The following FBXL14 variants were observed in gnomAD, a reference collection of about 807,000 sequenced individuals.
FBXL14 encodes F-box and leucine rich repeat protein 14.
A neutral mutation model predicts 24.5 loss-of-function variants in FBXL14; 11 were observed. The observed-to-expected ratio is 0.45, with a 90% CI of 0.28 to 0.74. The LOEUF (loss-of-function observed/expected upper bound fraction) is 0.74. Among genes scored for constraint, FBXL14 ranks in the 30% least tolerant of loss-of-function variants. FBXL14 has a pLI of 0.12. For missense variants in FBXL14, 384 were observed against 545.6 expected, an observed-to-expected ratio of 0.70 and a Z score of 2.95; for synonymous variants, 294 against 240.4, an observed-to-expected ratio of 1.22 and a Z score of -2.06.
chr12:1,578,483 A>G (rs1386005772), intron 1 of FBXL14, among the ~76,000 whole-genome samples: 1 of 151,946 alleles, frequency 6.6e-6, no homozygotes, highest in African/African-American at 2.4e-5. Flanking sequence ...TCTACTAAAA[A>G]TACAAAAATT....
chr12:1,567,341 A>G lies in FBXL14; in HGVS notation c.1195-531T>C, dbSNP rs1163426644. On this transcript the variant is annotated intron_variant, in intron 1 of 1. Transcript: ENST00000339235. This position sits in a 1 kb window ranked among gnomAD's most constrained non-coding sequence, Gnocchi z 4.8. ...AAAAAAGGAAAAGAAAGAAAAGAAA[A>G]ATTAGCTGGGCGTGGTGGCAAGCAC... Among the ~76,000 whole-genome samples the G allele has an allele frequency of 6.6e-6, 1 of 151,820 alleles. No homozygotes were observed. Among genetic ancestry groups the G allele is most frequent in the Non-Finnish European group, 1.5e-5 (1 of 67,970 alleles).
At chr12:1,573,865 C>T (rs527685382) in intron 1 of FBXL14, among the ~76,000 whole-genome samples, 168 of 152,206 alleles carry the variant, frequency 1.1e-3, no homozygotes, top group African/African-American at 3.4e-3. Context: ...ATTAGCTGGG[C>T]GTGGTGGCGC....
intron 1 of FBXL14, among the ~76,000 whole-genome samples, chr12:1,588,485 T>C (rs533547714): frequency 6.6e-6 from 1 of 152,360 alleles, no homozygotes; most frequent in South Asian, 2.1e-4. Context: ...TTTTAGGATA[T>C]ACTGGTACTG....
chr12:1,584,367 A>G (rs1001369669), intron 1 of FBXL14, among the ~76,000 whole-genome samples: 7 of 152,182 alleles, frequency 4.6e-5, no homozygotes, highest in African/African-American at 1.4e-4. Context: ...TCAATAAAGC[A>G]GGGATGAAGC....
At chr12:1,583,028 G>T (rs149325845) in intron 1 of FBXL14, among the ~76,000 whole-genome samples, 5 of 151,738 alleles carry the variant, frequency 3.3e-5, no homozygotes, top group Non-Finnish European at 7.4e-5. Flanking sequence ...TTACTTCTTC[G>T]TCAGGGCTGT....
intron 1 of FBXL14, 113 bp from the exon 2 acceptor site, chr12:1,566,923 C>G (rs2094437361): frequency 3.1e-6 from 2 of 646,264 alleles, no homozygotes; most frequent in African/African-American, 3.6e-5. Flanking sequence ...CCTAACTGAC[C>G]TGGGGGAAGG....
At chr12:1,572,583 T>C (rs1445568194) in intron 1 of FBXL14, among the ~76,000 whole-genome samples, 1 of 151,974 alleles carries the variant, frequency 6.6e-6, no homozygotes, top group African/African-American at 2.4e-5. Context: ...ATTGGAGAAA[T>C]CGTGACTGCA....
chr12:1,577,334 G>A (rs538595805), intron 1 of FBXL14, among the ~76,000 whole-genome samples: 3 of 152,126 alleles, frequency 2.0e-5, no homozygotes, highest in Admixed American at 1.3e-4. Flanking sequence ...GCCCCTCCTC[G>A]GGGGAGGGCA....
chr12:1,574,457 CCGTGTGGGTGG>C (rs2094451762), intron 1 of FBXL14, among the ~76,000 whole-genome samples: 1 of 133,614 alleles, frequency 7.5e-6, no homozygotes, highest in African/African-American at 2.9e-5. Context: ...CTGGTGGCAG[CCGTGTGGGTGG>C]AGGCTGGGGT....
At chr12:1,572,129 A>C (rs1388083574) in intron 1 of FBXL14, among the ~76,000 whole-genome samples, 1 of 152,244 alleles carries the variant, frequency 6.6e-6, no homozygotes, top group African/African-American at 2.4e-5. Context: ...CTTTGGGGGC[A>C]GTGAAAAAAA....
chr12:1,580,856 T>G (rs941333012), intron 1 of FBXL14, among the ~76,000 whole-genome samples: 1 of 152,138 alleles, frequency 6.6e-6, no homozygotes, highest in Non-Finnish European at 1.5e-5. Context: ...TTGCAGCCAC[T>G]TGCACACAAG....
chr12:1,575,659 G>T (rs1317692311), intron 1 of FBXL14, among the ~76,000 whole-genome samples: 4 of 152,194 alleles, frequency 2.6e-5, no homozygotes, highest in African/African-American at 9.7e-5. Flanking sequence ...GCAGGAGGTT[G>T]CTGTTGGCTT....
chr12:1,571,265 A>G (rs573562478), intron 1 of FBXL14, among the ~76,000 whole-genome samples: 16 of 151,914 alleles, frequency 1.1e-4, no homozygotes, highest in Admixed American at 2.0e-4. Flanking sequence ...CTGGAGTGCA[A>G]TGGCATGATC....
chr12:1,585,474 T>C (rs569945620), intron 1 of FBXL14, among the ~76,000 whole-genome samples: 2 of 152,290 alleles, frequency 1.3e-5, no homozygotes, highest in East Asian at 3.9e-4. Context: ...AGGAGAAATA[T>C]TATGAACCTT....
rs75860521 is a variant in FBXL14, at chr12:1,587,971, G to T, written c.1194+4902C>A. 9.8e-5 allele frequency among the ~76,000 whole-genome samples: 15 copies of T among 152,306 alleles called. No individual in the cohort carries two copies. In the East Asian group the frequency reaches 2.7e-3, roughly 27 times the overall value. ...GGGATGGAATTAACTTTTAAAAGGG[G>T]TGATGTTTGATGCAGGGAAGAGAAA... is the stretch of plus-strand genomic sequence containing the variant. On this transcript the variant is annotated intron_variant, in intron 1 of 1. Transcript: ENST00000339235.
rs1448232134 is a variant in FBXL14, at chr12:1,567,287, AC to A, written c.1195-478del. Among the ~76,000 whole-genome samples, 11 of 152,014 alleles carry A rather than the reference AC, an allele frequency of 7.2e-5. No individual in the cohort carries two copies. The highest frequency in any genetic ancestry group is 1.2e-4 in the Non-Finnish European group (8 of 68,002). ...AGACCAGCCTGGCCAATATGGCAAAACCCCATCTCTACTAAAAATAAAAATT... is the reference window on the plus strand; with the variant it reads ...AGACCAGCCTGGCCAATATGGCAAAACCCATCTCTACTAAAAATAAAAATT... On this transcript the variant is annotated intron_variant, in intron 1 of 1. Transcript: ENST00000339235. This position sits in a 1 kb window ranked among gnomAD's most constrained non-coding sequence, Gnocchi z 4.8.
chr12:1,575,037 A>G (rs1389598037), intron 1 of FBXL14, among the ~76,000 whole-genome samples: 1 of 152,192 alleles, frequency 6.6e-6, no homozygotes, highest in Non-Finnish European at 1.5e-5. Flanking sequence ...GTACAACAGT[A>G]TGTCTGAAAA....
chr12:1,567,868 AACCC>A lies in FBXL14; in HGVS notation c.1195-1062_1195-1059del, dbSNP rs1326666577. On this transcript the variant is annotated intron_variant, in intron 1 of 1. Transcript: ENST00000339235. The surrounding 1 kb of genome is among the most constrained non-coding windows in gnomAD (Gnocchi z 4.8). ...CTCCACATGTGAAAAGGGAAAAGAA[AACCC>A]ACCCACACGCACACGCGCGCACACA... 1.3e-5 allele frequency among the ~76,000 whole-genome samples: 2 copies of A among 152,226 alleles called. No individual in the cohort carries two copies. Among genetic ancestry groups the A allele is most frequent in the Non-Finnish European group, 2.9e-5 (2 of 68,030 alleles).
chr12:1,590,376 A>G (rs1360370268), intron 1 of FBXL14, among the ~76,000 whole-genome samples: 1 of 152,208 alleles, frequency 6.6e-6, no homozygotes, highest in Non-Finnish European at 1.5e-5. Context: ...CTTCCTGGAA[A>G]GAGGGGTTGA....
Sources: gnomAD v4.1 joint callset for allele counts (sites outside exome capture counted in the v4.1 genomes callset) on GRCh38, gnomAD v4.1.1 for gene constraint, Gnocchi (gnomAD v3.1) non-coding constraint, MANE v1.5 for transcripts, NCBI Gene and HGNC (gene_info 2026-07-23, HGNC 2026-07-21) for gene names.